RPH3A: variants seen among roughly 807,000 people sequenced by gnomAD.
The protein encoded by RPH3A is rabphilin-3A.
Under a neutral mutation model 102.2 loss-of-function variants are expected in RPH3A, and 48 were observed. That is an observed-to-expected ratio of 0.47 (90% confidence interval 0.37 to 0.60). The LOEUF (loss-of-function observed/expected upper bound fraction) is 0.60, where lower values mean the gene tolerates loss of function less well. Among genes scored for constraint, RPH3A ranks in the 20% least tolerant of loss-of-function variants. The pLI is 0.00. For missense variants in RPH3A, 781 were observed against 910.1 expected, an observed-to-expected ratio of 0.86 and a Z score of 1.83; for synonymous variants, 310 against 324.3, an observed-to-expected ratio of 0.96 and a Z score of 0.47.
At chr12:112,712,426 G>C (rs373669172) in intron 1 of RPH3A, among the ~76,000 whole-genome samples, 1 of 152,024 alleles carries the variant, frequency 6.6e-6, no homozygotes, top group Non-Finnish European at 1.5e-5. Flanking sequence ...AATAGAAACC[G>C]CATAAATTAT....
rs1390186686 is a variant in RPH3A at position 112,898,145 on chromosome 12, C to G, written c.*1365C>G. On this transcript the variant is annotated 3_prime_UTR_variant, in exon 22 of 22. Coordinates refer to ENST00000389385, the MANE Select transcript of RPH3A (RefSeq NM_001143854.2). Reference sequence around the variant, plus strand: ...ATCAAATAATATCATGGCTATGGAACAGTAGAGAGAGACAGGCCTGATGCC... The same window carrying G: ...ATCAAATAATATCATGGCTATGGAAGAGTAGAGAGAGACAGGCCTGATGCC... 1 of 152,190 alleles carries G rather than the reference C, an allele frequency of 6.6e-6. No individual in the cohort carries two copies. Among genetic ancestry groups the G allele is most frequent in the Non-Finnish European group, 1.5e-5 (1 of 68,052 alleles). 9.4% of individuals were successfully genotyped at this position (152,190 alleles called of 1,614,324 possible). A position where few individuals can be genotyped will look rare whatever the true frequency, so the allele number is the denominator to read the frequency against.
intron 10 of RPH3A, among the ~76,000 whole-genome samples, chr12:112,873,131 T>C (rs2042734707): frequency 2.0e-5 from 3 of 152,220 alleles, no homozygotes; most frequent in Non-Finnish European, 2.9e-5. Context: ...TACTTACAGA[T>C]TTGAATTAAT....
chr12:112,685,096 C>T (rs1237079868), intron 1 of RPH3A, among the ~76,000 whole-genome samples: 5 of 152,134 alleles, frequency 3.3e-5, no homozygotes, highest in Admixed American at 6.5e-5. Flanking sequence ...GCCACCATGC[C>T]TGGTTAATTC....
chr12:112,613,151 G>C (rs887559816), intron 1 of RPH3A, among the ~76,000 whole-genome samples: 7 of 152,158 alleles, frequency 4.6e-5, no homozygotes, highest in Admixed American at 4.6e-4. Context: ...AGGAAACTGA[G>C]ACTCATAAAG....
At chr12:112,795,501 T>A (rs1478222452) in intron 2 of RPH3A, among the ~76,000 whole-genome samples, 1 of 152,158 alleles carries the variant, frequency 6.6e-6, no homozygotes, top group African/African-American at 2.4e-5. Flanking sequence ...TTTCTGTGCC[T>A]CACACCTATC....
At chr12:112,875,615 G>A (rs1358198775) in intron 11 of RPH3A, 64 bp from the exon 12 acceptor site, 5 of 1,413,796 alleles carry the variant, frequency 3.5e-6, no homozygotes, top group African/African-American at 1.4e-5. Context: ...AAAAGGAAAA[G>A]GTGAACCCCC....
intron 2 of RPH3A, among the ~76,000 whole-genome samples, chr12:112,827,896 T>G (rs1258440013): frequency 1.4e-5 from 1 of 73,860 alleles, no homozygotes; most frequent in South Asian, 4.0e-4. Flanking sequence ...TTAAGTATAA[T>G]AAAAAAAAAA....
In RPH3A at chr12:112,577,815, T is replaced by C. The variant is rs1267199563; in HGVS notation, c.-140+2496T>C. 2.0e-5 allele frequency among the ~76,000 whole-genome samples: 3 copies of C among 151,914 alleles called. No homozygotes were observed. In the East Asian group the frequency reaches 5.8e-4, roughly 29 times the overall value. ...GCCTTGACCTCCCAAAGTGCTAAAA[T>C]TACAGGTGTGAGCCACTGTGCCTGG... On this transcript the variant is annotated intron_variant, in intron 1 of 21. Transcript: ENST00000543106.
intron 1 of RPH3A, among the ~76,000 whole-genome samples, chr12:112,726,483 A>G (rs943759332): frequency 6.6e-6 from 1 of 152,160 alleles, no homozygotes; most frequent in East Asian, 1.9e-4. Flanking sequence ...TGAACACTGT[A>G]TTCACCCCTC....
chr12:112,712,904 C>CTCTTTTTCTTCTTCTTCTTCTTCTTCT (rs2040475269), intron 1 of RPH3A, among the ~76,000 whole-genome samples: 3 of 92,540 alleles, frequency 3.2e-5, no homozygotes, highest in African/African-American at 1.7e-4. Flanking sequence ...CTTCTTCTTC[C>CTCTTTTTCTTCTTCTTCTTCTTCTTCT]TCTTCTTCTT....
intron 1 of RPH3A, among the ~76,000 whole-genome samples, chr12:112,776,063 G>T (rs2040963545): frequency 6.6e-6 from 1 of 152,158 alleles, no homozygotes; most frequent in Admixed American, 6.5e-5. Context: ...ACTGGCATAG[G>T]TTAGAAATGT....
intron 3 of RPH3A, among the ~76,000 whole-genome samples, chr12:112,831,380 A>G (rs2041967838): frequency 6.6e-6 from 1 of 152,220 alleles, no homozygotes; most frequent in African/African-American, 2.4e-5. Flanking sequence ...TTCATAACTA[A>G]TCATGTCTGG....
intron 1 of RPH3A, among the ~76,000 whole-genome samples, chr12:112,666,073 T>C (rs2040081724): frequency 6.6e-6 from 1 of 152,172 alleles, no homozygotes; most frequent in African/African-American, 2.4e-5. Context: ...TGCTACTTAC[T>C]CGACACATGC....
chr12:112,850,138 A>G (rs1460294470), intron 5 of RPH3A, among the ~76,000 whole-genome samples: 2 of 152,196 alleles, frequency 1.3e-5, no homozygotes, highest in Non-Finnish European at 2.9e-5. Flanking sequence ...CAGTTCTGCC[A>G]CTTACCCACT....
At chr12:112,665,607 G>A (rs1348930066) in intron 1 of RPH3A, among the ~76,000 whole-genome samples, 1 of 152,164 alleles carries the variant, frequency 6.6e-6, no homozygotes, top group Non-Finnish European at 1.5e-5. Flanking sequence ...ACAAGGTCAG[G>A]TATTCTATAT....
At position 112,895,842 on chromosome 12, in the gene RPH3A, C is replaced by T. The variant is rs1565950180; in HGVS notation, c.1923C>T (p.Asp641=). 1.2e-6 allele frequency: 2 copies of T among 1,613,926 alleles called. No homozygotes were observed. Among genetic ancestry groups the T allele is most frequent in the East Asian group, 2.2e-5 (1 of 44,886 alleles). ...AKKSLDISVW[D]YDIGKSNDYI... ...AGTCACTGGACATTTCAGTCTGGGACTATGACATCGGCAAGTCCAATGATT... is the reference window on the plus strand; with the variant it reads ...AGTCACTGGACATTTCAGTCTGGGATTATGACATCGGCAAGTCCAATGATT... Residue 641 remains aspartate, a synonymous_variant, in exon 21 of 22, where the codon GAC becomes GAT. Coordinates refer to ENST00000389385, the MANE Select transcript of RPH3A (RefSeq NM_001143854.2).
At chr12:112,878,536 G>T (rs531495259) in intron 13 of RPH3A, among the ~76,000 whole-genome samples, 22 of 152,324 alleles carry the variant, frequency 1.4e-4, no homozygotes, top group Admixed American at 3.9e-4. Flanking sequence ...CCAGTGAAGA[G>T]AGGCAGTTAA....
At chr12:112,690,307 A>G (rs932224557) in intron 1 of RPH3A, among the ~76,000 whole-genome samples, 1 of 152,214 alleles carries the variant, frequency 6.6e-6, no homozygotes, top group African/African-American at 2.4e-5. Flanking sequence ...TTTAGGTGGT[A>G]TCTGGTTAAG....
chr12:112,872,883 T>G (rs1307634973), intron 10 of RPH3A, among the ~76,000 whole-genome samples: 1 of 152,162 alleles, frequency 6.6e-6, no homozygotes, highest in Non-Finnish European at 1.5e-5. Flanking sequence ...CCACCTTGAG[T>G]TGGGTTAGCT....
Sources: gnomAD v4.1 joint callset for allele counts (sites outside exome capture counted in the v4.1 genomes callset) on GRCh38, gnomAD v4.1.1 for gene constraint, MANE v1.5 for transcripts, NCBI Gene and HGNC (gene_info 2026-07-23, HGNC 2026-07-21) for gene names.